ARHGAP35: variants seen among roughly 807,000 people sequenced by gnomAD.
The protein encoded by ARHGAP35 is Rho GTPase activating protein 35.
In ARHGAP35, 15 loss-of-function variants were observed where a neutral mutation model predicts 111.1. That is an observed-to-expected ratio of 0.13 (90% CI 0.09 to 0.21). The LOEUF is 0.21. Among genes scored for constraint, ARHGAP35 ranks in the 10% least tolerant of loss-of-function variants. ARHGAP35 has a pLI of 1.00. For synonymous variants in ARHGAP35, 643 were observed against 710.3 expected, an observed-to-expected ratio of 0.91 and a Z score of 1.51; for missense variants, 1,262 against 1,873.0, an observed-to-expected ratio of 0.67 and a Z score of 6.02.
chr19:46,928,041 T>C (rs1379571222), intron 2 of ARHGAP35, among the ~76,000 whole-genome samples: 2 of 152,302 alleles, frequency 1.3e-5, no homozygotes, highest in Admixed American at 1.3e-4. Flanking sequence ...CTTCAGAGCC[T>C]AGTTGAGTAG....
rs71179281 is a variant in ARHGAP35, at chr19:46,983,054, C to CAAAAAAAAA, written c.3827-4913_3827-4905dup. Among the ~76,000 whole-genome samples the CAAAAAAAAA allele has an allele frequency of 3.8e-4, 18 of 47,648 alleles. 1 individual carries two copies. The highest frequency in any genetic ancestry group is 7.6e-4 in the African/African-American group (8 of 10,492). 31.3% of individuals were successfully genotyped at this position (47,648 alleles called of 152,430 possible). On this transcript the variant is annotated intron_variant, in intron 3 of 6. Coordinates refer to ENST00000672722, the MANE Select transcript of ARHGAP35 (RefSeq NM_004491.5). ...GAGTGACAAAGCAAGACCTTGTGTA[C>CAAAAAAAAA]AAAAAAAAAAAAAAAAAAAAAAAAA... is the stretch of plus-strand genomic sequence containing the variant.
chr19:46,996,129 A>C (rs1369449211), intron 5 of ARHGAP35, among the ~76,000 whole-genome samples: 1 of 151,982 alleles, frequency 6.6e-6, no homozygotes, highest in East Asian at 1.9e-4. Context: ...TTTGAGATGG[A>C]GTCTTGCTCT....
Position 46,989,342 on chromosome 19 carries a change from G to C in ARHGAP35, c.3905-202G>C. 1.7e-6 allele frequency: 1 copy of C among 581,714 alleles called. No individual in the cohort carries two copies. The highest frequency in any genetic ancestry group is 2.1e-5 in the South Asian group (1 of 47,812). 36.0% of individuals were successfully genotyped at this position (581,714 alleles called of 1,614,324 possible). ...GTAGAAGGGGCAGTTCAGCAGTCTC[G>C]GAAAGAGGTGCTGGGGCCAGCCCAT... On this transcript the variant is annotated intron_variant, in intron 4 of 6. Transcript: ENST00000672722. This position sits in a 1 kb window ranked among gnomAD's most constrained non-coding sequence, Gnocchi z 5.3.
chr19:46,946,490 A>G (rs1482396944), intron 3 of ARHGAP35: 1 of 152,216 alleles, frequency 6.6e-6, no homozygotes, highest in Non-Finnish European at 1.5e-5. Flanking sequence ...GGCAGCACCT[A>G]CCTGTCATAG....
At chr19:46,907,572 G>C (rs1382881392) in intron 1 of ARHGAP35, among the ~76,000 whole-genome samples, 2 of 145,938 alleles carry the variant, frequency 1.4e-5, no homozygotes, top group Admixed American at 1.4e-4. Flanking sequence ...TCCGCCTCCC[G>C]GGTTCACGCC....
rs527914448 is a variant in ARHGAP35, at chr19:46,875,656, A to AT, written c.-189+14453dup. On this transcript the variant is annotated intron_variant, in intron 1 of 6. Transcript: ENST00000672722. ...TGCTTGCCACAGTCTTTTTATTTTT[A>AT]TTTTTTGAGAACTAAATACCATAAC... is the stretch of plus-strand genomic sequence containing the variant. Among the ~76,000 whole-genome samples, 3 of 152,050 alleles carry AT rather than the reference A, an allele frequency of 2.0e-5. No individual in the cohort carries two copies. In the South Asian group the frequency reaches 6.2e-4, roughly 31 times the overall value.
At position 46,943,228 on chromosome 19, in the gene ARHGAP35, A is replaced by G. The variant is rs547671383; in HGVS notation, c.3826+5820A>G. Among the ~76,000 whole-genome samples, 5 of 152,190 alleles carry G rather than the reference A, an allele frequency of 3.3e-5. No individual in the cohort carries two copies. The East Asian group carries it at 9.6e-4, about 29-fold the overall frequency. ...ATGACCTTTTTTGAAAAGCCTAGTC[A>G]GTTGTCTTGCAGAATGTCCTCTTCA... On this transcript the variant is annotated intron_variant, in intron 3 of 6. Transcript: ENST00000672722.
At chr19:46,942,995 C>T (rs1041417970) in intron 3 of ARHGAP35, among the ~76,000 whole-genome samples, 5 of 151,786 alleles carry the variant, frequency 3.3e-5, no homozygotes, top group African/African-American at 1.2e-4. Context: ...TCTTTAGGCC[C>T]TTGCCGTCCA....
chr19:46,949,323 G>T (rs1229175818), intron 3 of ARHGAP35, among the ~76,000 whole-genome samples: 1 of 152,134 alleles, frequency 6.6e-6, no homozygotes, highest in African/African-American at 2.4e-5. Flanking sequence ...ATATCATCTA[G>T]CGCATTAACT....
In ARHGAP35 at chr19:46,928,416, G is replaced by A. The variant is rs889391354; in HGVS notation, c.3681+6060G>A. Reference sequence around the variant, plus strand: ...TTATAAGGCAAAGGCCTTCCAAATGGATTTTCTACAGCATTTGAGAGAAGC... The same window carrying A: ...TTATAAGGCAAAGGCCTTCCAAATGAATTTTCTACAGCATTTGAGAGAAGC... On this transcript the variant is annotated intron_variant, in intron 2 of 6. Transcript: ENST00000672722. 2.0e-5 allele frequency among the ~76,000 whole-genome samples: 3 copies of A among 152,240 alleles called. No homozygotes were observed. In the South Asian group the frequency reaches 6.2e-4, roughly 32 times the overall value.
At chr19:46,887,965 T>C (rs2056000707) in intron 1 of ARHGAP35, among the ~76,000 whole-genome samples, 1 of 151,278 alleles carries the variant, frequency 6.6e-6, no homozygotes, top group Non-Finnish European at 1.5e-5. Flanking sequence ...TTTTTTTTTT[T>C]TTCTGAGACG....
At position 47,000,943 on chromosome 19, in the gene ARHGAP35, G is replaced by A. The variant is rs1337453677; in HGVS notation, c.*255G>A. 1 of 1,523,484 alleles carries A rather than the reference G, an allele frequency of 6.6e-7. No individual in the cohort carries two copies. The allele number at this position is 1,523,484 out of a possible 1,614,324, so 94.4% of individuals were successfully genotyped here. ...GAACTAGGCAGGCAATGGCTCCAGTGCCCTCCCTCTGTTCCCTGGACCACC... is the reference window on the plus strand; with the variant it reads ...GAACTAGGCAGGCAATGGCTCCAGTACCCTCCCTCTGTTCCCTGGACCACC... On this transcript the variant is annotated 3_prime_UTR_variant, in exon 7 of 7. Coordinates refer to ENST00000672722, the MANE Select transcript of ARHGAP35 (RefSeq NM_004491.5). The surrounding 1 kb of genome is among the most constrained non-coding windows in gnomAD (Gnocchi z 6.9).
intron 1 of ARHGAP35, among the ~76,000 whole-genome samples, chr19:46,913,873 A>C (rs1377844016): frequency 6.6e-6 from 1 of 152,222 alleles, no homozygotes; most frequent in Non-Finnish European, 1.5e-5. Flanking sequence ...TTGCCTGCTA[A>C]GAACACTGGT....
At chr19:46,884,370 G>C (rs1247466101) in intron 1 of ARHGAP35, among the ~76,000 whole-genome samples, 1 of 151,930 alleles carries the variant, frequency 6.6e-6, no homozygotes, top group Non-Finnish European at 1.5e-5. Context: ...TGCCTTATAG[G>C]GACATATGTA....
At chr19:46,949,557 C>G (rs1373930819) in intron 3 of ARHGAP35, among the ~76,000 whole-genome samples, 1 of 152,172 alleles carries the variant, frequency 6.6e-6, no homozygotes, top group Non-Finnish European at 1.5e-5. Context: ...AAAAAGGGGT[C>G]TCATGTGACT....
intron 3 of ARHGAP35, among the ~76,000 whole-genome samples, chr19:46,979,996 G>A (rs565182529): frequency 1.3e-5 from 2 of 152,254 alleles, no homozygotes; most frequent in African/African-American, 4.8e-5. Flanking sequence ...CAATAGTAGC[G>A]CTTCTGCGGA....
intron 1 of ARHGAP35, among the ~76,000 whole-genome samples, chr19:46,865,311 T>C (rs1289052606): frequency 6.6e-6 from 1 of 152,228 alleles, no homozygotes; most frequent in African/African-American, 2.4e-5. Flanking sequence ...TAAAAACTAA[T>C]CTGATCAAAG....
rs553008713 is a variant in ARHGAP35, at chr19:46,932,496, G to A, written c.3682-4768G>A. Reference sequence around the variant, plus strand: ...CCTGAAGAGTGACACACGTCTGACTGGGGGCATGAGATATCTGGCAGGCCA... The same window carrying A: ...CCTGAAGAGTGACACACGTCTGACTAGGGGCATGAGATATCTGGCAGGCCA... On this transcript the variant is annotated intron_variant, in intron 2 of 6. Coordinates refer to ENST00000672722, the MANE Select transcript of ARHGAP35 (RefSeq NM_004491.5). Among the ~76,000 whole-genome samples the A allele has an allele frequency of 2.2e-4, 33 of 152,240 alleles. 1 individual carries two copies. In the South Asian group the frequency reaches 4.6e-3, roughly 21 times the overall value.
At chr19:46,963,529 C>T (rs1368736335) in intron 3 of ARHGAP35, among the ~76,000 whole-genome samples, 2 of 152,330 alleles carry the variant, frequency 1.3e-5, no homozygotes, top group East Asian at 3.9e-4. Context: ...CGTGCCTCTT[C>T]TCTGATGACC....
Sources: gnomAD v4.1 joint callset for allele counts (sites outside exome capture counted in the v4.1 genomes callset) on GRCh38, gnomAD v4.1.1 for gene constraint, Gnocchi (gnomAD v3.1) non-coding constraint, MANE v1.5 for transcripts, NCBI Gene and HGNC (gene_info 2026-07-23, HGNC 2026-07-21) for gene names.